Variants in MYO18B observed in about 807,000 individuals in gnomAD.
MYO18B encodes the protein unconventional myosin-XVIIIb.
MYO18B carries 204 observed loss-of-function variants against 273.0 expected under a neutral mutation model. The observed-to-expected ratio is 0.75, with a 90% confidence interval of 0.67 to 0.84. The LOEUF (loss-of-function observed/expected upper bound fraction) is 0.84. Ranked by LOEUF, MYO18B falls within the 40% of genes least tolerant of loss-of-function variation. The pLI is 0.00. For missense variants in MYO18B, 3,212 were observed against 3,287.6 expected, an observed-to-expected ratio of 0.98 and a Z score of 0.56; for synonymous variants, 1,330 against 1,305.7, an observed-to-expected ratio of 1.02 and a Z score of -0.40.
intron 34 of MYO18B, among the ~76,000 whole-genome samples, chr22:25,926,624 G>A (rs1386151178): frequency 6.6e-6 from 1 of 152,166 alleles, no homozygotes; most frequent in African/African-American, 2.4e-5. Flanking sequence ...GGACATGTAG[G>A]AGGGAATGTG....
intron 40 of MYO18B, among the ~76,000 whole-genome samples, chr22:26,001,935 C>T (rs2146905220): frequency 6.6e-6 from 1 of 152,284 alleles, no homozygotes; most frequent in East Asian, 1.9e-4. Flanking sequence ...GTGCTGGATT[C>T]AAGTAAAGAT....
Position 26,018,973 on chromosome 22 carries a change from C to G in MYO18B, c.6471-7472C>G, listed in dbSNP as rs139735894. ...CTCCATCTCAAAAAAAAGAAAGGAA[C>G]GCTGTGCACCCAGGCACCAGTATTG... On this transcript the variant is annotated intron_variant, in intron 42 of 43. Transcript: ENST00000335473. Among the ~76,000 whole-genome samples the G allele has an allele frequency of 8.8e-3, 1,345 of 152,234 alleles. 20 individuals carry two copies. The highest frequency in any genetic ancestry group is 0.031 in the African/African-American group (1,269 of 41,558).
intron 1 of MYO18B, among the ~76,000 whole-genome samples, chr22:25,750,604 A>G (rs962312658): frequency 2.0e-5 from 3 of 152,008 alleles, no homozygotes; most frequent in African/African-American, 7.2e-5. Context: ...ACCTTGTGGA[A>G]CAGCTGAGGA....
At chr22:25,782,894 A>G (rs1323292867) in intron 10 of MYO18B, among the ~76,000 whole-genome samples, 2 of 152,218 alleles carry the variant, frequency 1.3e-5, no homozygotes, top group South Asian at 2.1e-4. Context: ...GTGGGGTGGT[A>G]TAGCAGAGTG....
chr22:25,845,998 G>A (rs1275168109), intron 18 of MYO18B, 102 bp from the exon 19 acceptor site: 2 of 1,064,540 alleles, frequency 1.9e-6, no homozygotes, highest in Non-Finnish European at 2.6e-6. Context: ...AGGAAGCCGA[G>A]GAGCAGGAAG....
At chr22:25,831,886 ATCTT>A (rs1466932214) in intron 15 of MYO18B, among the ~76,000 whole-genome samples, 3 of 152,300 alleles carry the variant, frequency 2.0e-5, no homozygotes, top group East Asian at 1.9e-4. Flanking sequence ...TGGATTTACA[ATCTT>A]TCTTCCTACA....
At position 25,823,671 on chromosome 22, in the gene MYO18B, CA is replaced by C; in HGVS notation, c.2689del (p.Ser897AlafsTer6). The C allele has an allele frequency of 6.2e-7, 1 of 1,613,934 alleles. No homozygotes were observed. On this transcript the variant is annotated frameshift_variant, in exon 13 of 44. Coordinates refer to ENST00000335473, the MANE Select transcript of MYO18B (RefSeq NM_032608.7). LOFTEE classifies it high-confidence loss of function. ...GATGGGGCCTCGAGGATGAGGAAAC[CA>C]GCTCAGGTACATGGCTGCTGCCTCT... ...SRWGLEDEET[S>X]SGLKMTGVDC...
chr22:26,053,463 A>G, the MYO18B span, among the ~76,000 whole-genome samples: 1 of 152,182 alleles, frequency 6.6e-6, no homozygotes, highest in African/African-American at 2.4e-5. Flanking sequence ...ACCCATGTCT[A>G]TTTCAAAAGC....
At chr22:25,755,269 C>T (rs978804304) in intron 1 of MYO18B, among the ~76,000 whole-genome samples, 1 of 152,000 alleles carries the variant, frequency 6.6e-6, no homozygotes, top group African/African-American at 2.4e-5. Context: ...TGCAATGGCT[C>T]GATCTCGGCT....
downstream of MYO18B, among the ~76,000 whole-genome samples, chr22:26,032,954 TATTA>T (rs1258043764): frequency 3.3e-5 from 5 of 152,214 alleles, no homozygotes; most frequent in Non-Finnish European, 7.3e-5. Flanking sequence ...TCACTTAATC[TATTA>T]ATTTATTATT....
chr22:26,026,576 A>C lies in MYO18B; in HGVS notation c.6602A>C (p.Lys2201Thr). The change falls in exon 43 of 44, where the codon AAG becomes ACG. Residue 2201 changes from lysine to threonine, a missense_variant. Transcript: ENST00000335473. ...TCTCCCCACTTTGTCCGCCGGCAAAAGTACTGTCATTTTGGGGACGGCGAA... is the reference window on the plus strand; with the variant it reads ...TCTCCCCACTTTGTCCGCCGGCAAACGTACTGTCATTTTGGGGACGGCGAA... ...PVSPHFVRRQKYCHFGDGEVL... is the reference protein window; with the variant it reads ...PVSPHFVRRQTYCHFGDGEVL... 1.2e-6 allele frequency: 2 copies of C among 1,613,908 alleles called. No homozygotes were observed. Among genetic ancestry groups the C allele is most frequent in the Non-Finnish European group, 1.7e-6 (2 of 1,179,880 alleles).
Position 25,910,951 on chromosome 22 carries a change from T to C in MYO18B, c.5265T>C (p.His1755=), listed in dbSNP as rs2092145061. 1.3e-6 allele frequency: 2 copies of C among 1,588,790 alleles called. No homozygotes were observed. The highest frequency in any genetic ancestry group is 2.7e-5 in the African/African-American group (2 of 74,452). Residue 1755 remains histidine (H), a synonymous_variant, in exon 33 of 44, where the codon CAT becomes CAC. Coordinates refer to ENST00000335473, the MANE Select transcript of MYO18B (RefSeq NM_032608.7). ...TCTTCCCTGTGTATCCACAGCTTCATCAGCTGGAAATGCAGCTGGAGCAAG... is the reference window on the plus strand; with the variant it reads ...TCTTCCCTGTGTATCCACAGCTTCACCAGCTGGAAATGCAGCTGGAGCAAG... ...DVRQSCQKRL[H]QLEMQLEQEY...
intron 17 of MYO18B, among the ~76,000 whole-genome samples, chr22:25,837,974 C>T (rs1368315989): frequency 6.6e-6 from 1 of 152,114 alleles, no homozygotes; most frequent in Admixed American, 6.5e-5. Context: ...ATTGTCCCAT[C>T]ACTCAGGTAT....
chr22:25,899,153 C>T (rs2091878240), intron 29 of MYO18B: 1 of 152,276 alleles, frequency 6.6e-6, no homozygotes, highest in South Asian at 2.1e-4. Flanking sequence ...TATTTGCATT[C>T]CCTTTGGGTT....
chr22:26,030,893 TC>T lies in MYO18B; in HGVS notation c.*466del, dbSNP rs1172193678. The T allele has an allele frequency of 4.3e-5, 17 of 398,426 alleles. No homozygotes were observed. The highest frequency in any genetic ancestry group is 7.1e-5 in the Non-Finnish European group (16 of 226,070). The allele number at this position is 398,426 out of a possible 1,614,324, so 24.7% of individuals were successfully genotyped here. ...TGAAACAAATGCTCCTCCTCCATGC[TC>T]CCTTAATCCCCATGCTTGTCGATTA... is the stretch of plus-strand genomic sequence containing the variant. On this transcript the variant is annotated 3_prime_UTR_variant, in exon 44 of 44. Coordinates refer to ENST00000335473, the MANE Select transcript of MYO18B (RefSeq NM_032608.7).
At chr22:25,950,275 G>C in intron 36 of MYO18B, 92 bp from the exon 37 acceptor site, 1 of 1,049,032 alleles carries the variant, frequency 9.5e-7, no homozygotes, top group Non-Finnish European at 1.4e-6. Context: ...GACATCTGTG[G>C]GTGGGGAAAG....
the MYO18B span, among the ~76,000 whole-genome samples, chr22:26,039,809 G>C: frequency 2.6e-5 from 4 of 151,824 alleles, no homozygotes; most frequent in Admixed American, 6.6e-5. Flanking sequence ...CCTCAACCCT[G>C]AGTCCCCAAA....
intron 14 of MYO18B, among the ~76,000 whole-genome samples, 156 bp from the exon 15 acceptor site, chr22:25,828,620 A>G (rs2089583452): frequency 6.6e-6 from 1 of 151,946 alleles, no homozygotes; most frequent in South Asian, 2.1e-4. Context: ...ACAGTTGGGG[A>G]AACCCCTGCT....
chr22:25,753,563 T>C (rs906301935), intron 1 of MYO18B, among the ~76,000 whole-genome samples: 3 of 152,218 alleles, frequency 2.0e-5, no homozygotes, highest in African/African-American at 7.2e-5. Context: ...GTTTTCGCTC[T>C]TTGCAATAAT....
Sources: gnomAD v4.1 joint callset for allele counts (sites outside exome capture counted in the v4.1 genomes callset) on GRCh38, gnomAD v4.1.1 for gene constraint, MANE v1.5 for transcripts, NCBI Gene and HGNC (gene_info 2026-07-23, HGNC 2026-07-21) for gene names.